SI: variants seen among roughly 807,000 people sequenced by gnomAD.
SI encodes the protein sucrase-isomaltase.
SI carries 235 observed loss-of-function variants against 253.3 expected under a neutral mutation model. The ratio of observed to expected loss-of-function variants is 0.93; its 90% CI spans 0.83 to 1.03. SI has a LOEUF of 1.03. Ranked by LOEUF, SI falls within the 50% of genes least tolerant of loss-of-function variation. SI has a pLI of 0.00. For synonymous variants in SI, 819 were observed against 712.0 expected (o/e 1.15, Z -2.39); for missense variants, 2,442 against 2,211.1 (o/e 1.10, Z -2.09).
chr3:165,059,839 G>A, intron 10 of SI, 63 bp downstream of exon 10: 2 of 1,531,060 alleles, frequency 1.3e-6, no homozygotes, highest in South Asian at 2.2e-5. Flanking sequence ...ATTTCCTACA[G>A]TTCTTATTAT....
At chr3:165,080,546 T>TA (rs1197709595), upstream of SI, among the ~76,000 whole-genome samples, 1 of 152,026 alleles carries the variant, frequency 6.6e-6, no homozygotes, top group Non-Finnish European at 1.5e-5. Context: ...ATGTGGCTCA[T>TA]ATACACCATG....
intron 47 of SI, among the ~76,000 whole-genome samples, chr3:164,981,025 C>T (rs1219243945): frequency 6.6e-6 from 1 of 151,794 alleles, no homozygotes; most frequent in Non-Finnish European, 1.5e-5. Context: ...GACTTAATTT[C>T]TTTGTCACCC....
At chr3:164,998,857 C>T (rs560754155) in intron 37 of SI, among the ~76,000 whole-genome samples, 184 bp from the exon 38 acceptor site, 26 of 151,796 alleles carry the variant, frequency 1.7e-4, no homozygotes, top group South Asian at 6.2e-4. Flanking sequence ...ACATAAAGGA[C>T]GTCTTTTTCC....
rs769598593 is a variant in SI at position 164,996,647 on chromosome 3, C to G, written c.4580G>C (p.Gly1527Ala). 1 of 1,556,022 alleles carries G rather than the reference C, an allele frequency of 6.4e-7. No homozygotes were observed. Among genetic ancestry groups the G allele is most frequent in the Non-Finnish European group, 8.9e-7 (1 of 1,128,124 alleles). The change falls in exon 40 of 48, where the codon GGA (glycine) becomes GCA (alanine). Residue 1527 changes from glycine (G) to alanine (A), a missense_variant. Coordinates refer to ENST00000264382, the MANE Select transcript of SI (RefSeq NM_001041.4). ...GTTGAAAAAACCACAGATGTCTGCT[C>G]CAGTCTAAAATATATTGTTATATTT... ...EFSLFGMSYTGADICGFFNNS... is the reference protein window; with the variant it reads ...EFSLFGMSYTAADICGFFNNS...
chr3:165,055,948 G>A (rs985261954), intron 12 of SI, among the ~76,000 whole-genome samples: 2 of 152,102 alleles, frequency 1.3e-5, no homozygotes, highest in Non-Finnish European at 2.9e-5. Flanking sequence ...AACAGGTACA[G>A]CAGCAATTTA....
chr3:165,034,335 C>T (rs1014647986), intron 22 of SI, among the ~76,000 whole-genome samples: 1 of 151,838 alleles, frequency 6.6e-6, no homozygotes, highest in African/African-American at 2.4e-5. Flanking sequence ...GTAAGCTATT[C>T]ATATGCATCT....
intron 41 of SI, among the ~76,000 whole-genome samples, chr3:164,993,402 G>A (rs76385959): frequency 0.052 from 7,887 of 151,516 alleles, 694 homozygotes; most frequent in African/African-American, 0.18. Flanking sequence ...AAACTGGATC[G>A]CTTATCCTAT....
chr3:165,068,741 GGTGTCTGATTTT>G lies in SI; in HGVS notation c.452_463del (p.Gln151_Thr154del). 6.2e-7 allele frequency: 1 copy of G among 1,612,678 alleles called. No homozygotes were observed. ...CCGAACCTTGAACCGGAAACGATTG[GGTGTCTGATTTT>G]GAGTTGTGAAGAGAACACTGTTGAT... On this transcript the variant is annotated inframe_deletion, in exon 5 of 48. Coordinates refer to ENST00000264382, the MANE Select transcript of SI (RefSeq NM_001041.4).
At chr3:165,013,126 T>C (rs1718847807) in intron 33 of SI, 84 bp from the exon 34 acceptor site, 1 of 849,666 alleles carries the variant, frequency 1.2e-6, no homozygotes, top group Non-Finnish European at 2.1e-6. Flanking sequence ...TAATGGAGTA[T>C]TAGAGGCTTA....
At chr3:165,074,960 A>G (rs1714855684) in intron 2 of SI, among the ~76,000 whole-genome samples, 1 of 151,874 alleles carries the variant, frequency 6.6e-6, no homozygotes, top group South Asian at 2.1e-4. Flanking sequence ...CAAAATATAC[A>G]TTCATACTGT....
intron 24 of SI, among the ~76,000 whole-genome samples, chr3:165,031,253 A>G (rs2108203552): frequency 6.7e-6 from 1 of 149,606 alleles, no homozygotes; most frequent in African/African-American, 2.4e-5. Flanking sequence ...TACCCACCAA[A>G]CATAATTGCA....
intron 46 of SI, 45 bp downstream of exon 46, chr3:164,982,957 T>G (rs774105949): frequency 6.5e-7 from 1 of 1,532,974 alleles, no homozygotes. Flanking sequence ...AGCTGTGAAC[T>G]TCAAATATTC....
At position 165,059,048 on chromosome 3, in the gene SI, C is replaced by G; in HGVS notation, c.1313G>C (p.Gly438Ala). 6.2e-7 allele frequency: 1 copy of G among 1,612,496 alleles called. No individual in the cohort carries two copies. The highest frequency in any genetic ancestry group is 8.5e-7 in the Non-Finnish European group (1 of 1,179,188). ...CCTCTCATAGGTTGCATATGTTGTT[C>G]CATTGGCACGTCGACCTATGGAAAT... ...PAISIGRRANGTTYATYERGN... is the reference protein window; with the variant it reads ...PAISIGRRANATTYATYERGN... The change falls in exon 12 of 48, where the codon GGA becomes GCA. Residue 438 changes from glycine (G) to alanine (A), a missense_variant. Gly to Ala is a moderately conservative substitution (Grantham distance 60). Transcript: ENST00000264382.
At chr3:165,022,299 A>G (rs1711664681) in intron 26 of SI, among the ~76,000 whole-genome samples, 1 of 151,352 alleles carries the variant, frequency 6.6e-6, no homozygotes, top group African/African-American at 2.4e-5. Flanking sequence ...ATGTCACTTA[A>G]CGCCTTTTTA....
chr3:165,033,517 A>G (rs547748622), intron 22 of SI, 73 bp from the exon 23 acceptor site: 23 of 1,301,472 alleles, frequency 1.8e-5, no homozygotes, highest in Admixed American at 9.9e-5. Context: ...CACTTATACA[A>G]CACTTAAGAA....
chr3:165,054,383 T>C (rs1576912532), intron 13 of SI, among the ~76,000 whole-genome samples: 1 of 152,096 alleles, frequency 6.6e-6, no homozygotes, highest in Admixed American at 6.6e-5. Flanking sequence ...TTTTTTTTTC[T>C]TTTCTGAGAC....
At chr3:165,059,336 T>A (rs1576915678) in intron 10 of SI, 37 bp from the exon 11 acceptor site, 2 of 1,599,844 alleles carry the variant, frequency 1.3e-6, no homozygotes, top group Non-Finnish European at 1.7e-6. Flanking sequence ...TACATAGTAC[T>A]GAAAGAGCTC....
At position 165,069,919 on chromosome 3, in the gene SI, A is replaced by C. The variant is rs564816697; in HGVS notation, c.256-724T>G. 2.6e-5 allele frequency among the ~76,000 whole-genome samples: 4 copies of C among 151,358 alleles called. No homozygotes were observed. The East Asian group carries it at 7.8e-4, about 29-fold the overall frequency. ...TGTGACACACTTTCATAATTTGAAA[A>C]ATTGTAGGATTTTCCCCTTTGCTTA... On this transcript the variant is annotated intron_variant, in intron 3 of 47. Transcript: ENST00000264382.
intron 47 of SI, among the ~76,000 whole-genome samples, chr3:164,981,910 A>C (rs1373967631): frequency 6.6e-6 from 1 of 152,180 alleles, no homozygotes; most frequent in African/African-American, 2.4e-5. Context: ...TTTTCAAGAC[A>C]TAGTCAATGT....
Sources: gnomAD v4.1 joint callset for allele counts (sites outside exome capture counted in the v4.1 genomes callset) on GRCh38, gnomAD v4.1.1 for gene constraint, MANE v1.5 for transcripts, NCBI Gene and HGNC (gene_info 2026-07-23, HGNC 2026-07-21) for gene names.